Variants in MLIP observed in about 807,000 individuals in gnomAD.
The protein encoded by MLIP is muscular LMNA interacting protein.
In MLIP, 79 loss-of-function variants were observed where a neutral mutation model predicts 84.8. The observed-to-expected ratio is 0.93, with a 90% confidence interval of 0.78 to 1.12. The LOEUF (loss-of-function observed/expected upper bound fraction) is 1.12, where lower values mean the gene tolerates loss of function less well. Ranked by LOEUF, MLIP falls within the 50% of genes most tolerant of loss-of-function variation. MLIP has a pLI of 0.00. For missense variants in MLIP, 1,257 were observed against 1,160.6 expected, an observed-to-expected ratio of 1.08 and a Z score of -1.21; for synonymous variants, 504 against 463.0, an observed-to-expected ratio of 1.09 and a Z score of -1.14.
At chr6:54,096,579 G>A (rs1467152732) in intron 1 of MLIP, among the ~76,000 whole-genome samples, 1 of 152,022 alleles carries the variant, frequency 6.6e-6, no homozygotes, top group Non-Finnish European at 1.5e-5. Flanking sequence ...AGCGCTTATG[G>A]GCAGCACTTC....
chr6:54,210,613 A>C (rs1779378173), intron 11 of MLIP, among the ~76,000 whole-genome samples: 1 of 151,028 alleles, frequency 6.6e-6, no homozygotes, highest in African/African-American at 2.4e-5. Flanking sequence ...CATGTTAGAA[A>C]TATATTGGCA....
At chr6:54,242,994 G>A (rs962194926) in intron 12 of MLIP, among the ~76,000 whole-genome samples, 1 of 152,202 alleles carries the variant, frequency 6.6e-6, no homozygotes, top group African/African-American at 2.4e-5. Flanking sequence ...GCAAAGCACT[G>A]TGTTTGTGCT....
intron 8 of MLIP, among the ~76,000 whole-genome samples, chr6:54,167,626 T>A (rs78044232): frequency 0.012 from 1,853 of 151,988 alleles, 42 homozygotes; most frequent in African/African-American, 0.041. Flanking sequence ...CTGAATCTGA[T>A]TGTATGCTAG....
chr6:54,202,053 T>C (rs1778719953), intron 10 of MLIP, 52 bp from the exon 11 acceptor site: 1 of 1,317,748 alleles, frequency 7.6e-7, no homozygotes, highest in Non-Finnish European at 1.0e-6. Flanking sequence ...ATTTGTTCAT[T>C]TTAATAGTGT....
intron 1 of MLIP, among the ~76,000 whole-genome samples, chr6:54,120,330 G>A (rs966373155): frequency 2.6e-5 from 4 of 152,008 alleles, no homozygotes; most frequent in African/African-American, 9.7e-5. Flanking sequence ...CGCCTCCTGG[G>A]TTCACGCCAT....
rs756239059 is a variant in MLIP, at chr6:54,095,279, G to T, written c.64-26168G>T. ...ATCTTGAGGCTAAAGTAAACATATT[G>T]GTCACAATTCAGGTACATCGTGGGG... On this transcript the variant is annotated intron_variant, in intron 1 of 12. Coordinates refer to the MLIP transcript ENST00000274897. Among the ~76,000 whole-genome samples, 11 of 152,164 alleles carry T rather than the reference G, an allele frequency of 7.2e-5. No homozygotes were observed. In the South Asian group the frequency reaches 2.3e-3, roughly 32 times the overall value.
intron 11 of MLIP, among the ~76,000 whole-genome samples, chr6:54,210,141 C>A (rs1166477395): frequency 2.8e-5 from 3 of 107,438 alleles, no homozygotes; most frequent in Non-Finnish European, 5.6e-5. Flanking sequence ...CTCACCTCAC[C>A]GCACCGCACC....
rs1766709454 is a variant in MLIP at position 54,074,983 on chromosome 6, T to A, written c.64-46464T>A. On this transcript the variant is annotated intron_variant, in intron 1 of 12. Transcript: ENST00000274897. ...AAAATTCCTGGCCAGGCGCGGTGGT[T>A]CACACTGTAATCCCAGCACTTTGGG... 2.6e-5 allele frequency among the ~76,000 whole-genome samples: 4 copies of A among 152,138 alleles called. No homozygotes were observed. In the South Asian group the frequency reaches 8.3e-4, roughly 32 times the overall value.
chr6:54,109,928 C>CTTTCTTTCTTT (rs1561937986), upstream of MLIP, among the ~76,000 whole-genome samples: 1 of 72,484 alleles, frequency 1.4e-5, no homozygotes, highest in African/African-American at 5.7e-5. Flanking sequence ...TTTCTTTCTT[C>CTTTCTTTCTTT]CTTCCTTCCT....
chr6:54,082,496 G>A (rs1363491558), intron 1 of MLIP, among the ~76,000 whole-genome samples: 1 of 152,098 alleles, frequency 6.6e-6, no homozygotes, highest in African/African-American at 2.4e-5. Context: ...ATTACAATTC[G>A]GATTACAATT....
At position 54,100,760 on chromosome 6, in the gene MLIP, C is replaced by A. The variant is rs1768584311; in HGVS notation, c.64-20687C>A. On this transcript the variant is annotated intron_variant, in intron 1 of 12. Coordinates refer to the MLIP transcript ENST00000274897. ...TACTAAATGTTAAGCACTGGGGATG[C>A]ACTGGTGATCCAAACAGGCATCATT... Among the ~76,000 whole-genome samples, 3 of 152,108 alleles carry A rather than the reference C, an allele frequency of 2.0e-5. No homozygotes were observed. The South Asian group carries it at 6.2e-4, about 31-fold the overall frequency.
intron 1 of MLIP, among the ~76,000 whole-genome samples, chr6:54,048,630 G>A (rs940996616): frequency 1.3e-5 from 2 of 152,160 alleles, no homozygotes; most frequent in African/African-American, 4.8e-5. Flanking sequence ...GAGCTAAAAC[G>A]AATGTTCAAG....
chr6:54,230,573 C>T, intron 11 of MLIP, 141 bp from the exon 12 acceptor site: 1 of 739,626 alleles, frequency 1.4e-6, no homozygotes, highest in Non-Finnish European at 2.3e-6. Context: ...GCAGTTGTCT[C>T]ATGAGGGACA....
At chr6:54,125,783 C>T (rs1315910517) in intron 3 of MLIP, among the ~76,000 whole-genome samples, 2 of 152,098 alleles carry the variant, frequency 1.3e-5, no homozygotes, top group Non-Finnish European at 2.9e-5. Context: ...TTGCAATCAA[C>T]CCAAAGTAGT....
At chr6:54,216,410 C>A in intron 11 of MLIP, 2 of 985,220 alleles carry the variant, frequency 2.0e-6, no homozygotes, top group Non-Finnish European at 2.4e-6. Flanking sequence ...TAAAACTCAG[C>A]ATTGTAGTCC....
intron 1 of MLIP, 115 bp from the exon 2 acceptor site, chr6:54,121,332 C>T: frequency 9.1e-7 from 1 of 1,102,164 alleles, no homozygotes; most frequent in East Asian, 2.4e-5. Flanking sequence ...TACATGATCA[C>T]AGGACAATAG....
At chr6:54,263,416 C>T (rs538418711) in intron 13 of MLIP, among the ~76,000 whole-genome samples, 2 of 151,710 alleles carry the variant, frequency 1.3e-5, no homozygotes, top group Admixed American at 1.3e-4. Flanking sequence ...CATAAATGCA[C>T]AAAACATTTG....
At chr6:54,238,170 T>G (rs1781492082) in intron 12 of MLIP, among the ~76,000 whole-genome samples, 1 of 152,226 alleles carries the variant, frequency 6.6e-6, no homozygotes, top group Non-Finnish European at 1.5e-5. Flanking sequence ...TTTAGAAAAA[T>G]AATATTCTTC....
chr6:54,125,958 A>G (rs1310483020), intron 3 of MLIP, among the ~76,000 whole-genome samples: 3 of 151,524 alleles, frequency 2.0e-5, no homozygotes, highest in Non-Finnish European at 4.4e-5. Context: ...AGCATCTAGT[A>G]TCTTGTATTG....
Sources: allele counts gnomAD v4.1 joint callset (sites outside exome capture counted in the v4.1 genomes callset), GRCh38; gene constraint gnomAD v4.1.1; transcripts MANE v1.5; gene names NCBI Gene and HGNC (gene_info 2026-07-23, HGNC 2026-07-21).